YPEL2: variants seen among roughly 807,000 people sequenced by gnomAD.
The protein encoded by YPEL2 is protein yippee-like 2.
A neutral mutation model predicts 19.1 loss-of-function variants in YPEL2; 2 were observed. That is an observed-to-expected ratio of 0.10 (90% confidence interval 0.04 to 0.33). The LOEUF (loss-of-function observed/expected upper bound fraction) is 0.33. Among genes scored for constraint, YPEL2 ranks in the 10% least tolerant of loss-of-function variants. YPEL2 has a pLI of 1.00. For missense variants in YPEL2, 66 were observed against 140.7 expected, an observed-to-expected ratio of 0.47 and a Z score of 2.68; for synonymous variants, 52 against 50.0, an observed-to-expected ratio of 1.04 and a Z score of -0.17.
At chr17:59,334,498 G>A (rs190594150) in intron 1 of YPEL2, among the ~76,000 whole-genome samples, 6 of 151,504 alleles carry the variant, frequency 4.0e-5, no homozygotes, top group African/African-American at 9.7e-5. Context: ...CCATTGTGAT[G>A]GCCCAGTCCC....
chr17:59,337,440 C>G (rs1476498181), intron 1 of YPEL2, among the ~76,000 whole-genome samples: 1 of 151,970 alleles, frequency 6.6e-6, no homozygotes, highest in Non-Finnish European at 1.5e-5. Flanking sequence ...CCGCCCGCCT[C>G]GGCCTCCCAA....
At chr17:59,380,003 G>A (rs2047940677) in intron 2 of YPEL2, among the ~76,000 whole-genome samples, 2 of 151,998 alleles carry the variant, frequency 1.3e-5, no homozygotes, top group South Asian at 4.1e-4. Flanking sequence ...TGGGATTACA[G>A]GCATGCATCA....
intron 2 of YPEL2, among the ~76,000 whole-genome samples, chr17:59,382,817 T>C (rs947877470): frequency 5.3e-5 from 8 of 152,160 alleles, no homozygotes; most frequent in African/African-American, 1.9e-4. Context: ...GGTTTTGGGT[T>C]TTTTCTGTAG....
intron 2 of YPEL2, among the ~76,000 whole-genome samples, chr17:59,361,457 T>C (rs2047840443): frequency 6.6e-6 from 1 of 152,234 alleles, no homozygotes; most frequent in Non-Finnish European, 1.5e-5. Context: ...AAAGCAGTTA[T>C]CACAGTGTGA....
chr17:59,350,350 C>T (rs926329264), intron 1 of YPEL2, among the ~76,000 whole-genome samples: 1 of 152,174 alleles, frequency 6.6e-6, no homozygotes, highest in African/African-American at 2.4e-5. Flanking sequence ...GTGTGAGCCA[C>T]CGCATCTGGC....
intron 2 of YPEL2, among the ~76,000 whole-genome samples, chr17:59,372,221 G>A (rs1171078380): frequency 2.6e-5 from 4 of 152,148 alleles, no homozygotes. Context: ...GAATAACCCT[G>A]GCCTCTGAAT....
At chr17:59,368,762 T>A (rs59996174) in intron 2 of YPEL2, among the ~76,000 whole-genome samples, 3,283 of 152,170 alleles carry the variant, frequency 0.022, 105 homozygotes, top group East Asian at 0.12. Flanking sequence ...TGCTAAAAGG[T>A]TTTAAGCAAA....
At chr17:59,394,108 C>T (rs1401240944) in intron 4 of YPEL2, among the ~76,000 whole-genome samples, 8 of 151,424 alleles carry the variant, frequency 5.3e-5, no homozygotes, top group African/African-American at 1.9e-4. Flanking sequence ...AGGAGCCCCT[C>T]ACCTCCCGGA....
intron 3 of YPEL2, chr17:59,388,736 A>G (rs2047993491): frequency 4.0e-6 from 1 of 249,206 alleles, no homozygotes; most frequent in Admixed American, 5.0e-5. Flanking sequence ...TGCGGGACCT[A>G]AGGAGGAAGG....
chr17:59,385,432 G>T (rs974901589), intron 2 of YPEL2, among the ~76,000 whole-genome samples: 2 of 151,908 alleles, frequency 1.3e-5, no homozygotes, highest in Non-Finnish European at 2.9e-5. Flanking sequence ...TCCAAAATTA[G>T]CCAGGCATGG....
chr17:59,336,251 C>T (rs974863192), intron 1 of YPEL2, among the ~76,000 whole-genome samples: 1 of 152,192 alleles, frequency 6.6e-6, no homozygotes, highest in African/African-American at 2.4e-5. Flanking sequence ...ACTATTTCTG[C>T]TTTTCACAAT....
At chr17:59,351,588 A>G (rs918054021) in intron 1 of YPEL2, among the ~76,000 whole-genome samples, 4 of 152,100 alleles carry the variant, frequency 2.6e-5, no homozygotes, top group East Asian at 1.9e-4. Flanking sequence ...CTTTCGTCCT[A>G]TCTCCTGTGA....
chr17:59,374,799 C>G (rs1018676713), intron 2 of YPEL2, among the ~76,000 whole-genome samples: 1 of 152,134 alleles, frequency 6.6e-6, no homozygotes. Flanking sequence ...ACCCGAAAGC[C>G]GAACAAACCA....
intron 2 of YPEL2, among the ~76,000 whole-genome samples, chr17:59,370,777 C>G (rs1175202251): frequency 7.1e-6 from 1 of 141,538 alleles, no homozygotes; most frequent in Non-Finnish European, 1.5e-5. Context: ...TGGCCCTCAG[C>G]AGGGGCAGAG....
chr17:59,344,904 C>G (rs1420058194), intron 1 of YPEL2, among the ~76,000 whole-genome samples: 1 of 152,220 alleles, frequency 6.6e-6, no homozygotes, highest in Admixed American at 6.5e-5. Flanking sequence ...CAGTGGTCCC[C>G]AACCTTTTGG....
intron 2 of YPEL2, among the ~76,000 whole-genome samples, chr17:59,361,062 C>T (rs1456706564): frequency 6.6e-6 from 1 of 152,164 alleles, no homozygotes; most frequent in African/African-American, 2.4e-5. Context: ...GACCTCCTGA[C>T]CTCAAGCAAT....
intron 2 of YPEL2, among the ~76,000 whole-genome samples, chr17:59,382,731 T>C (rs1001316248): frequency 2.6e-5 from 4 of 152,240 alleles, no homozygotes; most frequent in Admixed American, 2.6e-4. Context: ...CACTTTCTGA[T>C]GCAGTAATTC....
Position 59,338,741 on chromosome 17 carries a change from A to G in YPEL2, c.-196+6917A>G, listed in dbSNP as rs1187840006. On this transcript the variant is annotated intron_variant, in intron 1 of 4. Transcript: ENST00000312655. ...TCACAGTAAGGGTGAAGAGCACTGCACAATGGCTAATTGCCTCAGATCATA... is the reference window on the plus strand; with the variant it reads ...TCACAGTAAGGGTGAAGAGCACTGCGCAATGGCTAATTGCCTCAGATCATA... Among the ~76,000 whole-genome samples the G allele has an allele frequency of 2.6e-5, 4 of 152,236 alleles. No individual in the cohort carries two copies. In the East Asian group the frequency reaches 7.7e-4, roughly 29 times the overall value.
In YPEL2 at chr17:59,395,741, T is replaced by A. The variant is rs577437465; in HGVS notation, c.271-1360T>A. Among the ~76,000 whole-genome samples the A allele has an allele frequency of 5.3e-5, 8 of 152,248 alleles. No homozygotes were observed. In the East Asian group the frequency reaches 1.5e-3, roughly 29 times the overall value. On this transcript the variant is annotated intron_variant, in intron 4 of 4. Transcript: ENST00000312655. ...ACCTGTCTGGCCTCACGGTATTTTG[T>A]TCCTCTCCCTGTCTTCTCTAAGCCT...
Sources: gnomAD v4.1 joint callset for allele counts (sites outside exome capture counted in the v4.1 genomes callset) on GRCh38, gnomAD v4.1.1 for gene constraint, MANE v1.5 for transcripts, NCBI Gene and HGNC (gene_info 2026-07-23, HGNC 2026-07-21) for gene names.